TMC2: variants seen among roughly 807,000 people sequenced by gnomAD.
TMC2 encodes the protein transmembrane channel like 2, also known as transmembrane channel-like protein 2.
In TMC2, 102 loss-of-function variants were observed where a neutral mutation model predicts 105.9. The ratio of observed to expected loss-of-function variants is 0.96; its 90% CI spans 0.82 to 1.14. The LOEUF (loss-of-function observed/expected upper bound fraction) is 1.14. Ranked by LOEUF, TMC2 falls within the 50% of genes most tolerant of loss-of-function variation. TMC2 has a pLI of 0.00. For missense variants in TMC2, 1,093 were observed against 1,134.3 expected, an observed-to-expected ratio of 0.96 and a Z score of 0.52; for synonymous variants, 402 against 422.8, an observed-to-expected ratio of 0.95 and a Z score of 0.60.
intron 17 of TMC2, among the ~76,000 whole-genome samples, chr20:2,627,334 G>A (rs2086571844): frequency 6.6e-6 from 1 of 152,144 alleles, no homozygotes; most frequent in Admixed American, 6.5e-5. Flanking sequence ...TGAAATCTCT[G>A]CTCTGCTCTT....
At position 2,560,184 on chromosome 20, in the gene TMC2, T is replaced by C. The variant is rs77051998; in HGVS notation, c.401+1410T>C. Reference sequence around the variant, plus strand: ...GGAATCTAAATAAGCAATGACTGAATGTCCAACACCCCAAACTGTGGGAAC... The same window carrying C: ...GGAATCTAAATAAGCAATGACTGAACGTCCAACACCCCAAACTGTGGGAAC... On this transcript the variant is annotated intron_variant, in intron 3 of 19. Transcript: ENST00000358864. 8.4e-3 allele frequency among the ~76,000 whole-genome samples: 1,275 copies of C among 151,900 alleles called. 7 individuals are homozygous for C. The highest frequency in any genetic ancestry group is 0.035 in the South Asian group (169 of 4,812).
In TMC2 at chr20:2,561,099, A is replaced by G. The variant is rs1199062938; in HGVS notation, c.402-759A>G. Among the ~76,000 whole-genome samples the G allele has an allele frequency of 2.0e-5, 3 of 152,352 alleles. No homozygotes were observed. In the South Asian group the frequency reaches 6.2e-4, roughly 32 times the overall value. On this transcript the variant is annotated intron_variant, in intron 3 of 19. Coordinates refer to ENST00000358864, the MANE Select transcript of TMC2 (RefSeq NM_080751.3). ...TCAGTGTTAATGCCACTGAGTTGAC[A>G]TAAGAGTTGGTGAATTTACTTAATT...
intron 5 of TMC2, among the ~76,000 whole-genome samples, chr20:2,573,069 C>A (rs890679412): frequency 2.0e-5 from 3 of 152,026 alleles, no homozygotes; most frequent in Non-Finnish European, 4.4e-5. Flanking sequence ...GATCCTCCAG[C>A]CTCAGCCTCA....
chr20:2,549,870 G>A (rs2085946571), intron 2 of TMC2, among the ~76,000 whole-genome samples: 1 of 151,946 alleles, frequency 6.6e-6, no homozygotes, highest in South Asian at 2.1e-4. Context: ...TTTAGGATTG[G>A]AGAAAAATTT....
intron 17 of TMC2, among the ~76,000 whole-genome samples, chr20:2,627,078 C>T (rs2325893): frequency 0.12 from 17,862 of 152,170 alleles, 1,199 homozygotes; most frequent in Middle Eastern, 0.17. Context: ...GTGCCTGGGG[C>T]GTGACTGCCC....
intron 4 of TMC2, 84 bp from the exon 5 acceptor site, chr20:2,572,095 C>T (rs2086107369): frequency 2.0e-6 from 2 of 1,009,164 alleles, no homozygotes; most frequent in South Asian, 1.3e-5. Context: ...TAAGCCTTCA[C>T]ACATGTGTTT....
At chr20:2,545,793 TGAA>T (rs1168364123) in intron 2 of TMC2, among the ~76,000 whole-genome samples, 5 of 87,188 alleles carry the variant, frequency 5.7e-5, no homozygotes, top group Admixed American at 1.5e-4. Context: ...AAGACGAAGA[TGAA>T]GAAGGAAGAA....
chr20:2,610,665 T>G (rs968972636), intron 12 of TMC2, 67 bp downstream of exon 12: 3 of 956,248 alleles, frequency 3.1e-6, no homozygotes, highest in Admixed American at 4.3e-5. Context: ...TTTTTTAATA[T>G]AATAATTTCA....
intron 17 of TMC2, among the ~76,000 whole-genome samples, chr20:2,633,294 T>G (rs143530183): frequency 7.0e-6 from 1 of 142,848 alleles, no homozygotes; most frequent in East Asian, 2.1e-4. Context: ...AGGTGAGAGC[T>G]CAGGGCCTTC....
intron 4 of TMC2, among the ~76,000 whole-genome samples, chr20:2,562,504 A>T (rs1445663434): frequency 6.6e-6 from 1 of 152,236 alleles, no homozygotes; most frequent in African/African-American, 2.4e-5. Flanking sequence ...GCACCAGGCC[A>T]AGCTGGCCCC....
chr20:2,537,203 C>T (rs2085855444), intron 1 of TMC2, 66 bp from the exon 2 acceptor site: 12 of 1,451,202 alleles, frequency 8.3e-6, no homozygotes, highest in Admixed American at 5.8e-5. Context: ...CCACAGTGAC[C>T]GGGGGTCTGC....
At chr20:2,577,057 G>C (rs2086152166) in intron 5 of TMC2, among the ~76,000 whole-genome samples, 1 of 151,956 alleles carries the variant, frequency 6.6e-6, no homozygotes, top group Non-Finnish European at 1.5e-5. Context: ...ACAGGTGCCT[G>C]CCACCACGCC....
chr20:2,613,275 G>T lies in TMC2; in HGVS notation c.1825G>T (p.Val609Leu), dbSNP rs1447389054. 1 of 1,613,900 alleles carries T rather than the reference G, an allele frequency of 6.2e-7. No homozygotes were observed. Residue 609 changes from valine to leucine, a missense_variant, in exon 14 of 20, where the codon GTG becomes TTG. Transcript: ENST00000358864. ...GGGGGACTTCCTACGGGCTTGTTTTGTGCGGTTCATGAACTACTGCTGGTG... is the reference window on the plus strand; with the variant it reads ...GGGGGACTTCCTACGGGCTTGTTTTTTGCGGTTCATGAACTACTGCTGGTG... ...LLGDFLRACFVRFMNYCWCWD... is the reference protein window; with the variant it reads ...LLGDFLRACFLRFMNYCWCWD...
At chr20:2,549,152 C>T (rs2085942042) in intron 2 of TMC2, among the ~76,000 whole-genome samples, 1 of 152,118 alleles carries the variant, frequency 6.6e-6, no homozygotes, top group Admixed American at 6.6e-5. Flanking sequence ...TCACAGCTCA[C>T]TTGGGTAATC....
intron 13 of TMC2, 130 bp from the exon 14 acceptor site, chr20:2,613,064 G>A (rs985649529): frequency 3.2e-5 from 40 of 1,262,126 alleles, no homozygotes; most frequent in South Asian, 2.1e-4. Context: ...ACACACAAAG[G>A]ATCAGAGGGT....
rs535107679 is a variant in TMC2, at chr20:2,586,091, G to A, written c.834+6035G>A. Among the ~76,000 whole-genome samples, 7 of 152,144 alleles carry A rather than the reference G, an allele frequency of 4.6e-5. 1 individual carries two copies. Among genetic ancestry groups the A allele is most frequent in the East Asian group, 1.9e-4 (1 of 5,172 alleles). On this transcript the variant is annotated intron_variant, in intron 7 of 19. Transcript: ENST00000358864. The stretch of plus-strand genomic sequence containing the variant: ...TCCCTTCCACATGCAGAATACACTC[G>A]CCCCTCCTCAAGGCCTCTAAAAATC...
chr20:2,540,656 C>CA (rs10657326), intron 2 of TMC2, among the ~76,000 whole-genome samples: 1,662 of 108,374 alleles, frequency 0.015, 60 homozygotes, highest in African/African-American at 0.041. Flanking sequence ...GAGGGACTCT[C>CA]AAAAAAAAAA....
At chr20:2,543,903 GTT>G (rs1555769797) in intron 2 of TMC2, among the ~76,000 whole-genome samples, 3 of 144,198 alleles carry the variant, frequency 2.1e-5, no homozygotes, top group Non-Finnish European at 3.0e-5. Context: ...CTGCATGTCA[GTT>G]TTTTTTTTTT....
chr20:2,587,796 A>G (rs1213759274), intron 7 of TMC2, among the ~76,000 whole-genome samples: 1 of 152,196 alleles, frequency 6.6e-6, no homozygotes, highest in Non-Finnish European at 1.5e-5. Flanking sequence ...CCAGTATACA[A>G]TACATTGTTA....
Sources: gnomAD v4.1 joint callset for allele counts (sites outside exome capture counted in the v4.1 genomes callset) on GRCh38, gnomAD v4.1.1 for gene constraint, MANE v1.5 for transcripts, NCBI Gene and HGNC (gene_info 2026-07-23, HGNC 2026-07-21) for gene names.